CNTNAP5: variants seen among roughly 807,000 people sequenced by gnomAD.
CNTNAP5 encodes the protein contactin-associated protein-like 5.
In CNTNAP5, 72 loss-of-function variants were observed where a neutral mutation model predicts 150.2. The observed-to-expected ratio is 0.48, with a 90% CI of 0.40 to 0.58. The LOEUF is 0.58. Ranked by LOEUF, CNTNAP5 falls within the 20% of genes least tolerant of loss-of-function variation. The pLI is 0.00. For missense variants in CNTNAP5, 1,636 were observed against 1,626.2 expected, an observed-to-expected ratio of 1.01 and a Z score of -0.10; for synonymous variants, 672 against 619.8, an observed-to-expected ratio of 1.08 and a Z score of -1.25.
chr2:124,694,625 A>T (rs56201616), intron 13 of CNTNAP5, among the ~76,000 whole-genome samples: 15,369 of 152,292 alleles, frequency 0.1, 1,048 homozygotes, highest in Non-Finnish European at 0.15. Flanking sequence ...GGTCTCCAAA[A>T]AAATGTGAAT....
intron 23 of CNTNAP5, 61 bp from the exon 24 acceptor site, chr2:124,914,031 C>T: frequency 8.0e-7 from 1 of 1,255,254 alleles, no homozygotes; most frequent in Non-Finnish European, 1.1e-6. Context: ...AGGGAATCCA[C>T]TCTCCTGAGC....
chr2:124,583,595 ATTCCAAAGCAT>A (rs1220236873), intron 11 of CNTNAP5, among the ~76,000 whole-genome samples: 1 of 152,242 alleles, frequency 6.6e-6, no homozygotes, highest in African/African-American at 2.4e-5. Context: ...ACTGAACTAA[ATTCCAAAGCAT>A]TTCCTTTCCT....
At position 124,401,212 on chromosome 2, in the gene CNTNAP5, A is replaced by G. The variant is rs79752180; in HGVS notation, c.382-16231A>G. ...CAGCAGAAGTCACGCAAAATCCAGA[A>G]TTTCAGAACAAACACAGCAGTAGCA... On this transcript the variant is annotated intron_variant, in intron 3 of 23. Coordinates refer to ENST00000682447, the MANE Select transcript of CNTNAP5 (RefSeq NM_001367498.1). Among the ~76,000 whole-genome samples the G allele has an allele frequency of 2.9e-3, 444 of 152,320 alleles. 3 individuals carry two copies. Among genetic ancestry groups the G allele is most frequent in the African/African-American group, 0.01 (425 of 41,558 alleles).
At chr2:124,152,084 C>T (rs1260596054) in intron 1 of CNTNAP5, among the ~76,000 whole-genome samples, 1 of 152,136 alleles carries the variant, frequency 6.6e-6, no homozygotes, top group Non-Finnish European at 1.5e-5. Context: ...GTGGCAAATG[C>T]ATTTTTTTAG....
intron 21 of CNTNAP5, among the ~76,000 whole-genome samples, chr2:124,899,895 AAAT>A (rs1483522937): frequency 1.3e-5 from 2 of 151,498 alleles, no homozygotes; most frequent in Admixed American, 6.6e-5. Context: ...CACTTAACCA[AAAT>A]AACTTGTGCT....
intron 12 of CNTNAP5, 107 bp downstream of exon 12, chr2:124,610,027 C>T: frequency 7.8e-7 from 1 of 1,277,666 alleles, no homozygotes; most frequent in Non-Finnish European, 1.1e-6. Flanking sequence ...ATTTGAAAGA[C>T]CAACTGGTCT....
chr2:124,742,625 GACACACAC>G (rs3042996), intron 13 of CNTNAP5, among the ~76,000 whole-genome samples: 7 of 148,150 alleles, frequency 4.7e-5, no homozygotes, highest in African/African-American at 1.0e-4. Context: ...TACACGCACA[GACACACAC>G]ACACACACAC....
chr2:124,551,129 C>T (rs532387354), intron 10 of CNTNAP5, among the ~76,000 whole-genome samples: 93 of 152,116 alleles, frequency 6.1e-4, no homozygotes, highest in African/African-American at 2.0e-3. Flanking sequence ...CCCTTTGTGC[C>T]CGGCTTCTTC....
intron 10 of CNTNAP5, among the ~76,000 whole-genome samples, chr2:124,555,714 C>T (rs1164142009): frequency 6.6e-6 from 1 of 152,164 alleles, no homozygotes; most frequent in Non-Finnish European, 1.5e-5. Context: ...TACACAGGCT[C>T]AGGACACAGA....
chr2:124,595,232 G>T (rs1311138718), intron 11 of CNTNAP5, among the ~76,000 whole-genome samples: 2 of 130,638 alleles, frequency 1.5e-5, no homozygotes, highest in African/African-American at 5.6e-5. Context: ...CAAAGGGAAT[G>T]CTTCCAGTTT....
At chr2:124,830,310 C>A (rs577926483) in intron 19 of CNTNAP5, among the ~76,000 whole-genome samples, 2 of 152,104 alleles carry the variant, frequency 1.3e-5, no homozygotes, top group South Asian at 2.1e-4. Flanking sequence ...AAATACTTAA[C>A]CCTTTTAAGC....
At chr2:124,308,578 A>C (rs986239892) in intron 3 of CNTNAP5, among the ~76,000 whole-genome samples, 11 of 152,254 alleles carry the variant, frequency 7.2e-5, no homozygotes, top group African/African-American at 2.7e-4. Context: ...AAAGGTTAGC[A>C]AAGGAAAAGC....
intron 3 of CNTNAP5, among the ~76,000 whole-genome samples, chr2:124,413,825 T>C (rs1691842315): frequency 7.2e-6 from 1 of 139,426 alleles, no homozygotes; most frequent in South Asian, 2.4e-4. Flanking sequence ...GGCACATGTA[T>C]ACATATGTAA....
At chr2:124,714,483 G>T (rs900493411) in intron 13 of CNTNAP5, among the ~76,000 whole-genome samples, 2 of 151,952 alleles carry the variant, frequency 1.3e-5, no homozygotes, top group African/African-American at 2.4e-5. Context: ...TTTAGGTGAG[G>T]TTCCATGTGT....
At chr2:124,481,147 A>G (rs1558921053) in intron 7 of CNTNAP5, among the ~76,000 whole-genome samples, 1 of 152,178 alleles carries the variant, frequency 6.6e-6, no homozygotes, top group Non-Finnish European at 1.5e-5. Context: ...TTTAGACCTC[A>G]CAGTTCTCCC....
intron 13 of CNTNAP5, among the ~76,000 whole-genome samples, chr2:124,686,875 A>G (rs1026445582): frequency 6.6e-6 from 1 of 152,152 alleles, no homozygotes; most frequent in South Asian, 2.1e-4. Context: ...AGTTTTAAAT[A>G]CATTTTTAAA....
chr2:124,882,724 A>G (rs1677991962), intron 21 of CNTNAP5, among the ~76,000 whole-genome samples: 1 of 152,086 alleles, frequency 6.6e-6, no homozygotes, highest in African/African-American at 2.4e-5. Context: ...CACACTGCTA[A>G]TAAAGATATA....
chr2:124,103,166 A>G (rs1683101770), intron 1 of CNTNAP5, among the ~76,000 whole-genome samples: 1 of 152,210 alleles, frequency 6.6e-6, no homozygotes, highest in South Asian at 2.1e-4. Flanking sequence ...TTAAAAATAG[A>G]AAAAAGTCTT....
At chr2:124,175,674 T>C (rs1468238833) in intron 1 of CNTNAP5, among the ~76,000 whole-genome samples, 1 of 152,194 alleles carries the variant, frequency 6.6e-6, no homozygotes, top group Non-Finnish European at 1.5e-5. Flanking sequence ...TAAGTGAGAA[T>C]ACGCAGTATT....
Sources: gnomAD v4.1 joint callset for allele counts (sites outside exome capture counted in the v4.1 genomes callset) on GRCh38, gnomAD v4.1.1 for gene constraint, MANE v1.5 for transcripts, NCBI Gene and HGNC (gene_info 2026-07-23, HGNC 2026-07-21) for gene names.